The following MACROD2 variants were observed in gnomAD, a reference collection of about 807,000 sequenced individuals.
The protein encoded by MACROD2 is ADP-ribose glycohydrolase MACROD2.
A neutral mutation model predicts 70.4 loss-of-function variants in MACROD2; 36 were observed. That is an observed-to-expected ratio of 0.51 (90% confidence interval 0.39 to 0.68). The LOEUF is 0.68. Among genes scored for constraint, MACROD2 ranks in the 30% least tolerant of loss-of-function variants. The pLI is 0.00. For synonymous variants in MACROD2, 172 were observed against 178.8 expected (o/e 0.96, Z 0.30); for missense variants, 496 against 538.4 (o/e 0.92, Z 0.78).
intron 5 of MACROD2, among the ~76,000 whole-genome samples, chr20:14,812,715 C>G (rs1031342521): frequency 2.0e-5 from 3 of 152,042 alleles, no homozygotes; most frequent in Non-Finnish European, 4.4e-5. Flanking sequence ...CATCACTCAA[C>G]ACAACACTTC....
intron 3 of MACROD2, among the ~76,000 whole-genome samples, chr20:14,213,069 T>C (rs895060180): frequency 1.1e-4 from 17 of 152,016 alleles, no homozygotes; most frequent in Non-Finnish European, 4.4e-5. Flanking sequence ...ATGAGTTTTT[T>C]CTTGTTTGTA....
At chr20:14,454,423 T>A (rs907157112) in intron 3 of MACROD2, among the ~76,000 whole-genome samples, 4 of 151,488 alleles carry the variant, frequency 2.6e-5, no homozygotes, top group Non-Finnish European at 4.4e-5. Flanking sequence ...CATGAGTTTT[T>A]TTTTTTGTTT....
intron 5 of MACROD2, chr20:14,884,594 C>CCTA (rs975595199): frequency 3.9e-5 from 6 of 152,194 alleles, no homozygotes; most frequent in African/African-American, 1.4e-4. Context: ...GGACATAGGA[C>CCTA]CTGTAAAGCA....
Position 14,326,141 on chromosome 20 carries a change from T to C in MACROD2, c.272-167338T>C, listed in dbSNP as rs1181076103. On this transcript the variant is annotated intron_variant, in intron 3 of 17. Coordinates refer to ENST00000684519, the MANE Select transcript of MACROD2 (RefSeq NM_001351661.2). The surrounding 1 kb of genome is among the most constrained non-coding windows in gnomAD (Gnocchi z 5.5). ...TACTCACTGCGTTCCCCTGTTACAA[T>C]TGTTTCTGTTATAGATCCAAATGCC... is the stretch of plus-strand genomic sequence containing the variant. The C allele has an allele frequency of 1.2e-6, 2 of 1,613,916 alleles. No homozygotes were observed. The highest frequency in any genetic ancestry group is 1.7e-6 in the Non-Finnish European group (2 of 1,179,880).
chr20:15,565,057 A>G (rs1234345893), intron 8 of MACROD2, among the ~76,000 whole-genome samples: 1 of 152,172 alleles, frequency 6.6e-6, no homozygotes, highest in Non-Finnish European at 1.5e-5. Flanking sequence ...GATATCATGA[A>G]GCTGCTTTCA....
chr20:15,278,786 G>C (rs891964324), intron 6 of MACROD2, among the ~76,000 whole-genome samples: 1 of 152,140 alleles, frequency 6.6e-6, no homozygotes, highest in Admixed American at 6.5e-5. Context: ...AGAACACTTT[G>C]CATCAGTTAT....
chr20:14,002,947 TTA>T (rs549544493), intron 2 of MACROD2, among the ~76,000 whole-genome samples: 63 of 152,328 alleles, frequency 4.1e-4, no homozygotes, highest in Admixed American at 2.8e-3. Context: ...GGAATCTAGA[TTA>T]TGTTAGAATA....
chr20:14,026,301 G>T (rs573238026), intron 2 of MACROD2, among the ~76,000 whole-genome samples: 13 of 152,220 alleles, frequency 8.5e-5, no homozygotes, highest in African/African-American at 3.1e-4. Context: ...TATCCAATTT[G>T]CCAGTCTGTG....
intron 6 of MACROD2, among the ~76,000 whole-genome samples, chr20:15,382,244 A>G (rs1568764307): frequency 6.6e-6 from 1 of 152,014 alleles, no homozygotes; most frequent in African/African-American, 2.4e-5. Flanking sequence ...TCCACCTACA[A>G]CAGGCCTGGC....
chr20:15,832,699 G>A (rs1048353119), intron 8 of MACROD2, among the ~76,000 whole-genome samples: 13 of 152,220 alleles, frequency 8.5e-5, no homozygotes, highest in South Asian at 2.1e-4. Context: ...ACACAAAGCC[G>A]AACAGGGCAT....
At chr20:15,370,902 G>T (rs2045482744) in intron 6 of MACROD2, among the ~76,000 whole-genome samples, 1 of 152,020 alleles carries the variant, frequency 6.6e-6, no homozygotes, top group African/African-American at 2.4e-5. Flanking sequence ...GTTAGTCTCT[G>T]AGCTTCCTGG....
intron 5 of MACROD2, among the ~76,000 whole-genome samples, chr20:15,151,194 C>A (rs1468122798): frequency 1.3e-5 from 2 of 152,010 alleles, no homozygotes; most frequent in Non-Finnish European, 2.9e-5. Flanking sequence ...TTGGACAGTC[C>A]AATTTTCAGT....
chr20:14,959,842 G>T (rs912745341), intron 5 of MACROD2, among the ~76,000 whole-genome samples: 2 of 152,162 alleles, frequency 1.3e-5, no homozygotes, highest in African/African-American at 4.8e-5. Context: ...TCTTTGGCTG[G>T]CTTCTAAAAG....
At chr20:14,548,932 G>A (rs981967828) in intron 4 of MACROD2, among the ~76,000 whole-genome samples, 42 of 152,198 alleles carry the variant, frequency 2.8e-4, no homozygotes, top group African/African-American at 9.1e-4. Flanking sequence ...CACGTGCCTC[G>A]GAGCTATCCC....
At chr20:14,205,842 A>G (rs752079214) in intron 3 of MACROD2, among the ~76,000 whole-genome samples, 1 of 152,220 alleles carries the variant, frequency 6.6e-6, no homozygotes, top group Non-Finnish European at 1.5e-5. Flanking sequence ...CTATTCATCA[A>G]CACTCTTGGA....
intron 5 of MACROD2, among the ~76,000 whole-genome samples, chr20:15,003,015 A>C (rs1823234797): frequency 6.6e-6 from 1 of 152,030 alleles, no homozygotes; most frequent in Non-Finnish European, 1.5e-5. Context: ...TTCTAATTTG[A>C]TTGGTTTTGC....
chr20:14,611,578 C>A (rs1371946788), intron 4 of MACROD2, among the ~76,000 whole-genome samples: 3 of 151,482 alleles, frequency 2.0e-5, no homozygotes, highest in Non-Finnish European at 4.4e-5. Flanking sequence ...GACAAAGCAC[C>A]ATCTCAAATT....
At chr20:14,241,735 A>C (rs1387477421) in intron 3 of MACROD2, among the ~76,000 whole-genome samples, 2 of 152,082 alleles carry the variant, frequency 1.3e-5, no homozygotes, top group Non-Finnish European at 2.9e-5. Context: ...AGTGAGTGGG[A>C]ATATCCTTAC....
At chr20:14,105,217 T>C (rs2054353163) in intron 3 of MACROD2, among the ~76,000 whole-genome samples, 2 of 152,296 alleles carry the variant, frequency 1.3e-5, no homozygotes, top group African/African-American at 2.4e-5. Context: ...TAGTACCTGA[T>C]TGTAACTTCA....
Sources: gnomAD v4.1 joint callset for allele counts (sites outside exome capture counted in the v4.1 genomes callset) on GRCh38, gnomAD v4.1.1 for gene constraint, Gnocchi (gnomAD v3.1) non-coding constraint, MANE v1.5 for transcripts, NCBI Gene and HGNC (gene_info 2026-07-23, HGNC 2026-07-21) for gene names.